LRRIQ1: variants seen among roughly 807,000 people sequenced by gnomAD.
LRRIQ1 encodes leucine-rich repeat- and IQ domain-containing protein 1.
A neutral mutation model predicts 211.9 loss-of-function variants in LRRIQ1; 210 were observed. That is an observed-to-expected ratio of 0.99 (90% CI 0.89 to 1.11). The LOEUF (loss-of-function observed/expected upper bound fraction) is 1.11. Ranked by LOEUF, LRRIQ1 falls within the 50% of genes most tolerant of loss-of-function variation. LRRIQ1 has a pLI of 0.00. For missense variants in LRRIQ1, 2,136 were observed against 1,939.5 expected (o/e 1.10, Z -1.90); for synonymous variants, 699 against 650.1 (o/e 1.08, Z -1.14).
chr12:85,262,528 A>G (rs1244486553), intron 1 of LRRIQ1, among the ~76,000 whole-genome samples: 1 of 151,920 alleles, frequency 6.6e-6, no homozygotes, highest in African/African-American at 2.4e-5. Flanking sequence ...AAATGTTAAC[A>G]TGTTTTATTA....
chr12:85,240,346 A>G (rs1895405592), intron 26 of LRRIQ1, among the ~76,000 whole-genome samples: 1 of 152,178 alleles, frequency 6.6e-6, no homozygotes, highest in Non-Finnish European at 1.5e-5. Flanking sequence ...TGTATCTCTC[A>G]TGCATTGCTG....
rs560055733 is a variant in LRRIQ1 at position 85,119,735 on chromosome 12, CGTT to C, written c.3378-1958_3378-1956del. 2.5e-3 allele frequency among the ~76,000 whole-genome samples: 381 copies of C among 152,172 alleles called. 4 individuals are homozygous for C. The highest frequency in any genetic ancestry group is 8.8e-3 in the African/African-American group (365 of 41,530). The stretch of plus-strand genomic sequence containing the variant: ...GGTACGTAGTGGTATCACATTGTCT[CGTT>C]GTTATTTTAATTTTCAATTTTCTAA... On this transcript the variant is annotated intron_variant, in intron 15 of 26. Coordinates refer to ENST00000393217, the MANE Select transcript of LRRIQ1 (RefSeq NM_001079910.2).
downstream of LRRIQ1, among the ~76,000 whole-genome samples, chr12:85,265,476 A>G (rs925589953): frequency 6.6e-6 from 1 of 152,030 alleles, no homozygotes; most frequent in Non-Finnish European, 1.5e-5. Context: ...TCAGTATACA[A>G]TGAAATCTAT....
In LRRIQ1 at chr12:85,229,645, A is replaced by T. The variant is rs1894839130; in HGVS notation, c.4951A>T (p.Lys1651Ter). ...VHETTSSRNM[K>*]CNHFLPELDP... ...TGAAACGACTAGTTCCAGAAATATG[A>T]AATGGTGAGGTCATTTCCTCTAAAT... The change falls in exon 25 of 27, where the codon AAA becomes TAA. Residue 1651 changes from lysine (K) to a stop codon, truncating the protein, a stop_gained. Transcript: ENST00000393217. LOFTEE classifies it high-confidence loss of function. 6 of 1,610,288 alleles carry T rather than the reference A, an allele frequency of 3.7e-6. No individual in the cohort carries two copies. Among genetic ancestry groups the T allele is most frequent in the Non-Finnish European group, 5.1e-6 (6 of 1,178,930 alleles).
At chr12:85,123,985 T>C (rs1888171149) in intron 16 of LRRIQ1, 85 bp from the exon 17 acceptor site, 6 of 875,500 alleles carry the variant, frequency 6.9e-6, no homozygotes, top group Non-Finnish European at 1.1e-5. Flanking sequence ...TTTGAGGCCA[T>C]ACAGTGAAAT....
intron 24 of LRRIQ1, among the ~76,000 whole-genome samples, chr12:85,204,116 G>A (rs760739361): frequency 6.0e-4 from 92 of 152,172 alleles, no homozygotes; most frequent in Middle Eastern, 3.2e-3. Context: ...GGCTAAAAGG[G>A]GCCAATGTAG....
rs141116267 is a variant in LRRIQ1, at chr12:85,167,639, G to A, written c.4822+6925G>A. On this transcript the variant is annotated intron_variant, in intron 24 of 26. Coordinates refer to ENST00000393217, the MANE Select transcript of LRRIQ1 (RefSeq NM_001079910.2). The stretch of plus-strand genomic sequence containing the variant: ...CCAAGCTGGTAGCTGATTAGATGGT[G>A]CCCACCCAGATTGAGGGTGGGCCTG... Among the ~76,000 whole-genome samples the A allele has an allele frequency of 4.2e-3, 637 of 152,228 alleles. 5 individuals carry two copies. The highest frequency in any genetic ancestry group is 5.5e-3 in the Non-Finnish European group (371 of 68,002).
intron 24 of LRRIQ1, among the ~76,000 whole-genome samples, chr12:85,203,352 A>T (rs1432523343): frequency 6.6e-6 from 1 of 152,146 alleles, no homozygotes. Context: ...CAGTGTGAAA[A>T]TGGACTAATA....
chr12:85,077,115 A>G (rs2136135914), intron 11 of LRRIQ1, among the ~76,000 whole-genome samples: 3 of 152,316 alleles, frequency 2.0e-5, no homozygotes, highest in Admixed American at 2.0e-4. Context: ...GCAATCAGTG[A>G]ACAGCTGAAG....
chr12:85,206,383 G>A (rs1893545365), intron 24 of LRRIQ1, among the ~76,000 whole-genome samples: 1 of 152,196 alleles, frequency 6.6e-6, no homozygotes. Context: ...GACAGTGAGA[G>A]TGCAGGGATA....
At chr12:85,262,643 G>C (rs1405736224) in intron 1 of LRRIQ1, among the ~76,000 whole-genome samples, 1 of 151,870 alleles carries the variant, frequency 6.6e-6, no homozygotes, top group Non-Finnish European at 1.5e-5. Flanking sequence ...AAACACCAAC[G>C]ATATTTGAAT....
intron 11 of LRRIQ1, among the ~76,000 whole-genome samples, chr12:85,074,429 A>C (rs977576729): frequency 3.3e-5 from 5 of 152,034 alleles, no homozygotes; most frequent in Non-Finnish European, 5.9e-5. Context: ...TCAAAGATTT[A>C]TCCTTTGTTT....
chr12:85,200,638 T>A (rs1423895568), intron 24 of LRRIQ1, among the ~76,000 whole-genome samples: 2 of 151,790 alleles, frequency 1.3e-5, no homozygotes, highest in African/African-American at 4.8e-5. Flanking sequence ...GTTCCTTCAA[T>A]GCCTAGTTCG....
intron 24 of LRRIQ1, among the ~76,000 whole-genome samples, chr12:85,167,179 C>G (rs1301639030): frequency 6.6e-6 from 1 of 152,156 alleles, no homozygotes; most frequent in Non-Finnish European, 1.5e-5. Context: ...GAAGACTTTT[C>G]TGATTCTAGT....
chr12:85,237,780 G>T (rs766328749), intron 26 of LRRIQ1, among the ~76,000 whole-genome samples: 25 of 152,046 alleles, frequency 1.6e-4, no homozygotes, highest in Non-Finnish European at 2.6e-4. Context: ...TAAATCAACT[G>T]CCTGCTAGAA....
At chr12:85,170,556 G>A (rs190387732) in intron 24 of LRRIQ1, among the ~76,000 whole-genome samples, 27 of 150,840 alleles carry the variant, frequency 1.8e-4, no homozygotes, top group Admixed American at 5.3e-4. Context: ...ACATATATGT[G>A]TGTATATATG....
At chr12:85,237,564 T>C (rs1895248328) in intron 26 of LRRIQ1, among the ~76,000 whole-genome samples, 1 of 152,020 alleles carries the variant, frequency 6.6e-6, no homozygotes, top group African/African-American at 2.4e-5. Context: ...ATATCTGAAC[T>C]GAAAAGAGAC....
At chr12:85,150,003 A>T (rs566317121) in intron 19 of LRRIQ1, among the ~76,000 whole-genome samples, 1 of 151,774 alleles carries the variant, frequency 6.6e-6, no homozygotes, top group Non-Finnish European at 1.5e-5. Flanking sequence ...TGATGTGGCA[A>T]AGAAGTTTAT....
At chr12:85,191,307 G>A (rs938864796) in intron 24 of LRRIQ1, among the ~76,000 whole-genome samples, 2 of 151,854 alleles carry the variant, frequency 1.3e-5, no homozygotes, top group Non-Finnish European at 2.9e-5. Flanking sequence ...AAAATCTTAC[G>A]TGTTTTATCT....
Sources: allele counts gnomAD v4.1 joint callset (sites outside exome capture counted in the v4.1 genomes callset), GRCh38; gene constraint gnomAD v4.1.1; transcripts MANE v1.5; gene names NCBI Gene and HGNC (gene_info 2026-07-23, HGNC 2026-07-21).